Variants in CDH12 observed in about 807,000 individuals in gnomAD.
CDH12 encodes the protein cadherin 12.
A neutral mutation model predicts 74.1 loss-of-function variants in CDH12; 41 were observed. That is an observed-to-expected ratio of 0.55 (90% CI 0.43 to 0.72). The LOEUF (loss-of-function observed/expected upper bound fraction) is 0.72. CDH12 is among the 30% of genes least tolerant of loss of function. The pLI is 0.00. For synonymous variants in CDH12, 399 were observed against 355.0 expected, an observed-to-expected ratio of 1.12 and a Z score of -1.39; for missense variants, 945 against 977.2, an observed-to-expected ratio of 0.97 and a Z score of 0.44.
intron 1 of CDH12, among the ~76,000 whole-genome samples, chr5:22,539,491 A>G (rs1738002286): frequency 6.6e-6 from 1 of 152,242 alleles, no homozygotes; most frequent in Non-Finnish European, 1.5e-5. Context: ...GATGTTCTTG[A>G]GAAAGGCAAT....
intron 4 of CDH12, among the ~76,000 whole-genome samples, chr5:22,133,649 T>C (rs1746295783): frequency 6.6e-6 from 1 of 152,104 alleles, no homozygotes; most frequent in Non-Finnish European, 1.5e-5. Flanking sequence ...CTATTATGAA[T>C]GTATTTACAA....
At chr5:22,024,274 T>C (rs1218550723) in intron 5 of CDH12, among the ~76,000 whole-genome samples, 1 of 152,144 alleles carries the variant, frequency 6.6e-6, no homozygotes, top group Non-Finnish European at 1.5e-5. Context: ...AATAATCCTT[T>C]AGAGCTGCAA....
chr5:22,741,075 G>T (rs1050005868), intron 1 of CDH12, among the ~76,000 whole-genome samples: 2 of 152,210 alleles, frequency 1.3e-5, no homozygotes, highest in Middle Eastern at 3.4e-3. Context: ...GATATCTAGT[G>T]TAACTCAGGA....
chr5:22,385,648 G>C (rs1741964747), intron 3 of CDH12, among the ~76,000 whole-genome samples: 1 of 152,080 alleles, frequency 6.6e-6, no homozygotes, highest in East Asian at 1.9e-4. Flanking sequence ...CATAGCACCA[G>C]TTAACAAACC....
At chr5:22,708,181 C>A (rs1383298555) in intron 1 of CDH12, among the ~76,000 whole-genome samples, 1 of 152,138 alleles carries the variant, frequency 6.6e-6, no homozygotes, top group East Asian at 1.9e-4. Flanking sequence ...ATTATTCTCT[C>A]ATTATTTCAT....
chr5:22,672,312 T>C (rs892009246), intron 1 of CDH12, among the ~76,000 whole-genome samples: 2 of 151,570 alleles, frequency 1.3e-5, no homozygotes, highest in African/African-American at 4.9e-5. Context: ...AGTATAAATG[T>C]AGGGCTTTGG....
chr5:21,793,289 C>A (rs10071299), intron 10 of CDH12, among the ~76,000 whole-genome samples: 4,572 of 151,646 alleles, frequency 0.03, 207 homozygotes, highest in African/African-American at 0.097. Flanking sequence ...GAATAGCAAA[C>A]AAACTATTTT....
At chr5:22,822,908 A>T (rs1425718264) in intron 1 of CDH12, among the ~76,000 whole-genome samples, 2 of 152,146 alleles carry the variant, frequency 1.3e-5, no homozygotes, top group African/African-American at 4.8e-5. Flanking sequence ...ATTATAAATC[A>T]TGCTGCTATA....
At chr5:22,482,960 C>T (rs1746440745) in intron 2 of CDH12, among the ~76,000 whole-genome samples, 1 of 152,106 alleles carries the variant, frequency 6.6e-6, no homozygotes, top group Admixed American at 6.6e-5. Flanking sequence ...GCTTCATTTG[C>T]CTAGCTGGTA....
At chr5:21,833,983 T>C (rs1007553486) in intron 8 of CDH12, among the ~76,000 whole-genome samples, 1 of 151,976 alleles carries the variant, frequency 6.6e-6, no homozygotes, top group Non-Finnish European at 1.5e-5. Context: ...AAATTAGATG[T>C]GTTTATTCTA....
chr5:22,290,722 T>G (rs918430699), intron 3 of CDH12, among the ~76,000 whole-genome samples: 2 of 151,986 alleles, frequency 1.3e-5, no homozygotes, highest in African/African-American at 4.8e-5. Flanking sequence ...ATACAAAGGA[T>G]CATGAGAGAT....
chr5:21,897,526 T>C (rs1753179545), intron 6 of CDH12, among the ~76,000 whole-genome samples: 1 of 152,112 alleles, frequency 6.6e-6, no homozygotes, highest in South Asian at 2.1e-4. Flanking sequence ...TTCTTCAGAG[T>C]TTCTGAGTTA....
At chr5:22,335,702 T>A (rs1416318734) in intron 3 of CDH12, among the ~76,000 whole-genome samples, 1 of 152,182 alleles carries the variant, frequency 6.6e-6, no homozygotes, top group Non-Finnish European at 1.5e-5. Flanking sequence ...ACCATGTTTG[T>A]GAGGCCTCCC....
In CDH12 at chr5:21,756,419, A is replaced by G. The variant is rs774724486; in HGVS notation, c.1634-577T>C. The stretch of plus-strand genomic sequence containing the variant: ...AATAAGATTTGTTAAAAACATTAAA[A>G]ATTGTAAACACCTTGAACTATAACA... On this transcript the variant is annotated intron_variant, in intron 13 of 14. Coordinates refer to ENST00000382254, the MANE Select transcript of CDH12 (RefSeq NM_004061.5). Among the ~76,000 whole-genome samples, 118 of 152,170 alleles carry G rather than the reference A, an allele frequency of 7.8e-4. 1 individual carries two copies. The highest frequency in any genetic ancestry group is 8.5e-4 in the Non-Finnish European group (58 of 67,996).
intron 2 of CDH12, among the ~76,000 whole-genome samples, chr5:22,467,607 T>C (rs1466654009): frequency 1.3e-5 from 2 of 152,230 alleles, no homozygotes; most frequent in Non-Finnish European, 2.9e-5. Flanking sequence ...GTTTACACCA[T>C]TCATCAGTGC....
intron 5 of CDH12, among the ~76,000 whole-genome samples, chr5:22,014,038 C>T (rs1737454185): frequency 6.6e-6 from 1 of 152,034 alleles, no homozygotes; most frequent in Non-Finnish European, 1.5e-5. Context: ...CCCAGCCTGG[C>T]CCACATGGTG....
At chr5:22,777,628 G>GTGTGTT (rs1297131856) in intron 1 of CDH12, among the ~76,000 whole-genome samples, 1 of 151,980 alleles carries the variant, frequency 6.6e-6, no homozygotes, top group Non-Finnish European at 1.5e-5. Flanking sequence ...GCTTGTGTGT[G>GTGTGTT]TGTGTTTGTG....
intron 10 of CDH12, among the ~76,000 whole-genome samples, chr5:21,789,969 T>A (rs1238243040): frequency 6.6e-6 from 1 of 152,112 alleles, no homozygotes; most frequent in Non-Finnish European, 1.5e-5. Context: ...CCTGCCTGTA[T>A]AATAGTTACA....
intron 8 of CDH12, among the ~76,000 whole-genome samples, chr5:21,823,681 CTG>C (rs745461205): frequency 4.6e-5 from 7 of 151,218 alleles, no homozygotes; most frequent in Non-Finnish European, 8.8e-5. Flanking sequence ...AACTGATCTA[CTG>C]TCCTTAAATA....
Sources: gnomAD v4.1 joint callset for allele counts (sites outside exome capture counted in the v4.1 genomes callset) on GRCh38, gnomAD v4.1.1 for gene constraint, MANE v1.5 for transcripts, NCBI Gene and HGNC (gene_info 2026-07-23, HGNC 2026-07-21) for gene names.